EIF4G2: variants seen among roughly 807,000 people sequenced by gnomAD.
The protein encoded by EIF4G2 is eukaryotic translation initiation factor 4 gamma 2, also known as DAP-5.
Under a neutral mutation model 117.7 loss-of-function variants are expected in EIF4G2, and 8 were observed. The ratio of observed to expected loss-of-function variants is 0.07; its 90% CI spans 0.04 to 0.12. The LOEUF (loss-of-function observed/expected upper bound fraction) is 0.12. EIF4G2 is among the 10% of genes least tolerant of loss of function. EIF4G2 has a pLI of 1.00. For missense variants in EIF4G2, 812 were observed against 1,086.2 expected, an observed-to-expected ratio of 0.75 and a Z score of 3.55; for synonymous variants, 413 against 367.8, an observed-to-expected ratio of 1.12 and a Z score of -1.41.
At chr11:10,806,595 C>G (rs933962021) in intron 3 of EIF4G2, 8 of 515,486 alleles carry the variant, frequency 1.6e-5, no homozygotes, top group African/African-American at 5.7e-5. Flanking sequence ...GTAAAAATAA[C>G]CCAAAGAATA....
At position 10,807,262 on chromosome 11, in the gene EIF4G2, G is replaced by A; in HGVS notation, c.34C>T (p.Arg12Cys). The change falls in exon 2 of 22, where the codon CGT becomes TGT. Residue 12 changes from arginine to cysteine, a missense_variant. Physicochemically the swap from Arg to Cys is radical, Grantham distance 180 (BLOSUM62 -3). Transcript: ENST00000339995. Reference sequence around the variant, plus strand: ...AAATAAATCTACAAGTACCTGAAACGAGAAGCACCCCCTTCTGCAATCGCA... The same window carrying A: ...AAATAAATCTACAAGTACCTGAAACAAGAAGCACCCCCTTCTGCAATCGCA... 1 of 1,609,954 alleles carries A rather than the reference G, an allele frequency of 6.2e-7. No individual in the cohort carries two copies. Among genetic ancestry groups the A allele is most frequent in the South Asian group, 1.1e-5 (1 of 90,240 alleles).
At chr11:10,801,284 A>G in intron 14 of EIF4G2, 197 bp from the exon 15 acceptor site, 1 of 659,770 alleles carries the variant, frequency 1.5e-6, no homozygotes, top group South Asian at 2.0e-5. Context: ...CAGTAGTAAG[A>G]TACTATTATA....
In EIF4G2 at chr11:10,801,041, A is replaced by C. The variant is rs769823449; in HGVS notation, c.1460T>G (p.Val487Gly). ...AGTTATCTGGGGCTGAAGCTTTGGC[A>C]CTTGATTTTTATTCATTAGGAACGA... The change falls in exon 15 of 22, where the codon GTG becomes GGG. Residue 487 changes from valine to glycine, a missense_variant. Val to Gly is a moderately radical substitution (Grantham distance 109). Transcript: ENST00000339995. The C allele has an allele frequency of 6.2e-7, 1 of 1,614,182 alleles. No individual in the cohort carries two copies. The highest frequency in any genetic ancestry group is 8.5e-7 in the Non-Finnish European group (1 of 1,180,014).
chr11:10,797,907 A>G lies in EIF4G2; in HGVS notation c.2659-26T>C. 2 of 1,607,654 alleles carry G rather than the reference A, an allele frequency of 1.2e-6. No homozygotes were observed. The highest frequency in any genetic ancestry group is 1.7e-6 in the Non-Finnish European group (2 of 1,175,638). On this transcript the variant is annotated intron_variant, in intron 21 of 21. Transcript: ENST00000339995. The surrounding 1 kb of genome is among the most constrained non-coding windows in gnomAD (Gnocchi z 4.5). ...CTATAAATTAAGATTTGTAAATTAAAATAGTTCATGATATAAACAGAAATC... is the reference window on the plus strand; with the variant it reads ...CTATAAATTAAGATTTGTAAATTAAGATAGTTCATGATATAAACAGAAATC...
rs773366589 is a variant in EIF4G2, at chr11:10,807,284, C to A, written c.12G>T (p.Ala4=). The A allele has an allele frequency of 1.2e-6, 2 of 1,613,430 alleles. No homozygotes were observed. Among genetic ancestry groups the A allele is most frequent in the Non-Finnish European group, 1.7e-6 (2 of 1,179,828 alleles). ...AACGAGAAGCACCCCCTTCTGCAAT[C>A]GCACTCTCCACTTTGGCGGCTTGAC... The change falls in exon 2 of 22, where the codon GCG becomes GCT. Residue 4 remains alanine, a synonymous_variant. Transcript: ENST00000339995.
chr11:10,802,950 T>C lies in EIF4G2; in HGVS notation c.996+80A>G, dbSNP rs1271243501. On this transcript the variant is annotated intron_variant, in intron 11 of 21. Coordinates refer to ENST00000339995, the MANE Select transcript of EIF4G2 (RefSeq NM_001418.4). ...AAGATGAGACAGACCCCTCAAGCGT[T>C]TGGGGTGGGTGAGGAGGAAACCCAT... The C allele has an allele frequency of 1.1e-5, 14 of 1,238,768 alleles. 1 individual carries two copies. Among genetic ancestry groups the C allele is most frequent in the African/African-American group, 1.5e-5 (1 of 66,470 alleles). 76.7% of individuals were successfully genotyped at this position (1,238,768 alleles called of 1,614,324 possible). A position where few individuals can be genotyped will look rare whatever the true frequency, so the allele number is the denominator to read the frequency against.
At chr11:10,799,872 T>A in intron 18 of EIF4G2, 116 bp from the exon 19 acceptor site, 1 of 1,301,414 alleles carries the variant, frequency 7.7e-7, no homozygotes. Flanking sequence ...TGTAGCAGAA[T>A]AGAGAACCAA....
rs1156576407 is a variant in EIF4G2 at position 10,799,681 on chromosome 11, T to A, written c.2195A>T (p.Lys732Ile). ...TTGCTTCAACAGTTCCTTCTCCAAT[T>A]TGAGGAGTGGGAATAAGAAACTCAG... Residue 732 changes from lysine to isoleucine, a missense_variant, in exon 19 of 22, where the codon AAA (lysine) becomes ATA (isoleucine). Lys to Ile is a moderately radical substitution (Grantham distance 102, BLOSUM62 -3). This residue lies in a region of EIF4G2 where 571 missense variants were observed against 642.3 expected (regional missense o/e 0.89). Coordinates refer to ENST00000339995, the MANE Select transcript of EIF4G2 (RefSeq NM_001418.4). 7 of 1,614,032 alleles carry A rather than the reference T, an allele frequency of 4.3e-6. No individual in the cohort carries two copies. In the Admixed American group the frequency reaches 1.0e-4, roughly 23 times the overall value.
At chr11:10,799,984 G>C (rs1847371200) in intron 18 of EIF4G2, 106 bp downstream of exon 18, 5 of 1,290,814 alleles carry the variant, frequency 3.9e-6, no homozygotes, top group Non-Finnish European at 5.3e-6. Flanking sequence ...ATCATTATCT[G>C]AGCAGGACAA....
chr11:10,799,502 C>T (rs201191182), intron 19 of EIF4G2, 50 bp downstream of exon 19: 4 of 1,609,538 alleles, frequency 2.5e-6, no homozygotes, highest in Non-Finnish European at 2.5e-6. Flanking sequence ...TCCTACGCTT[C>T]TTTTCCAGTA....
At chr11:10,807,931 CGTTT>C in intron 1 of EIF4G2, 1 of 1,014,402 alleles carries the variant, frequency 9.9e-7, no homozygotes, top group Non-Finnish European at 1.2e-6. Context: ...ACCTCCGCCC[CGTTT>C]TTCCCTTCCT....
At chr11:10,804,226 G>A (rs777077861) in intron 6 of EIF4G2, 23 bp from the exon 7 acceptor site, 1 of 1,613,286 alleles carries the variant, frequency 6.2e-7, no homozygotes, top group Non-Finnish European at 8.5e-7. Context: ...ACATTGTCAT[G>A]CTTTATTAAG....
chr11:10,805,035 A>G lies in EIF4G2; in HGVS notation c.249-20T>C. The stretch of plus-strand genomic sequence containing the variant: ...AGTATGCTGGAGAAAAAGGAATTAC[A>G]TTTTAAGTGTTAGCTAATACACAGA... On this transcript the variant is annotated intron_variant, in intron 4 of 21. Coordinates refer to ENST00000339995, the MANE Select transcript of EIF4G2 (RefSeq NM_001418.4). The G allele has an allele frequency of 6.4e-7, 1 of 1,573,500 alleles. No homozygotes were observed. The highest frequency in any genetic ancestry group is 2.2e-5 in the East Asian group (1 of 44,614).
intron 1 of EIF4G2, chr11:10,808,272 C>CA (rs560616186): frequency 1.6e-6 from 2 of 1,215,168 alleles, no homozygotes; most frequent in South Asian, 2.8e-5. Flanking sequence ...CCAGGTCCTA[C>CA]ACACCTCCCC....
At position 10,798,972 on chromosome 11, in the gene EIF4G2, A is replaced by AT; in HGVS notation, c.2658+19dup. 1 of 1,585,398 alleles carries AT rather than the reference A, an allele frequency of 6.3e-7. No homozygotes were observed. Among genetic ancestry groups the AT allele is most frequent in the African/African-American group, 1.4e-5 (1 of 72,928 alleles). On this transcript the variant is annotated intron_variant, in intron 21 of 21. Transcript: ENST00000339995. Reference sequence around the variant, plus strand: ...AAGCAAACTGAAGTAAGCAGACCAAATTTTTAACAAAAGACTTACCTGGAA... The same window carrying AT: ...AAGCAAACTGAAGTAAGCAGACCAAATTTTTTAACAAAAGACTTACCTGGAA...
In EIF4G2 at chr11:10,804,201, T is replaced by C. The variant is rs759725383; in HGVS notation, c.486A>G (p.Thr162=). 2.2e-5 allele frequency: 35 copies of C among 1,614,072 alleles called. No homozygotes were observed. Among genetic ancestry groups the C allele is most frequent in the Non-Finnish European group, 3.0e-5 (35 of 1,180,030 alleles). Residue 162 remains threonine, a splice_region_variant and synonymous_variant, in exon 7 of 22, where the codon ACA becomes ACG. Transcript: ENST00000339995. ...ATTTGGAAATTAGGAGGCGTCTGAATGTCTGGAAAAGAAGACATTGTCATG... is the reference window on the plus strand; with the variant it reads ...ATTTGGAAATTAGGAGGCGTCTGAACGTCTGGAAAAGAAGACATTGTCATG...
Position 10,801,094 on chromosome 11 carries a change from T to A in EIF4G2, c.1414-7A>T. 8 of 1,613,588 alleles carry A rather than the reference T, an allele frequency of 5.0e-6. No individual in the cohort carries two copies. The highest frequency in any genetic ancestry group is 6.8e-6 in the Non-Finnish European group (8 of 1,179,850). Reference sequence around the variant, plus strand: ...GAGCAGGCCTCAGGCTAATCTGGAATTGAAAACAAAATATATCTAAATTAA... The same window carrying A: ...GAGCAGGCCTCAGGCTAATCTGGAAATGAAAACAAAATATATCTAAATTAA... On this transcript the variant is annotated splice_region_variant and splice_polypyrimidine_tract_variant and intron_variant, in intron 14 of 21. Transcript: ENST00000339995.
At chr11:10,799,135 AAAAAAGT>A in intron 20 of EIF4G2, 22 bp from the exon 21 acceptor site, 4 of 1,563,208 alleles carry the variant, frequency 2.6e-6, no homozygotes, top group Non-Finnish European at 3.4e-6. Context: ...AAAAAAAAAG[AAAAAAGT>A]AATAAGCCCA....
rs749289439 is a variant in EIF4G2, at chr11:10,800,744, A to C, written c.1631T>G (p.Leu544Arg). ...TTTGAAACTTACAGTTAGTTTAAGG[A>C]GTTCTTCCTTTGACGGTGGTGGCTT... The change falls in exon 16 of 22, where the codon CTC becomes CGC. Residue 544 changes from leucine (L) to arginine (R), a missense_variant. By Grantham distance (102) the Leu-to-Arg change is moderately radical. Transcript: ENST00000339995. 8 of 1,614,064 alleles carry C rather than the reference A, an allele frequency of 5.0e-6. No homozygotes were observed. The highest frequency in any genetic ancestry group is 1.7e-5 in the Admixed American group (1 of 60,006).
Sources: gnomAD v4.1 joint callset for allele counts on GRCh38, gnomAD v4.1.1 for gene constraint, gnomAD v4.1.1 regional missense constraint, Gnocchi (gnomAD v3.1) non-coding constraint, MANE v1.5 for transcripts, NCBI Gene and HGNC (gene_info 2026-07-23, HGNC 2026-07-21) for gene names.